Variants in KCTD1 observed in about 807,000 individuals in gnomAD.
KCTD1 encodes BTB/POZ domain-containing protein KCTD1.
In KCTD1, 24 loss-of-function variants were observed where a neutral mutation model predicts 66.0. That is an observed-to-expected ratio of 0.36 (90% CI 0.26 to 0.51). The LOEUF is 0.51. Among genes scored for constraint, KCTD1 ranks in the 20% least tolerant of loss-of-function variants. The pLI is 0.95. For missense variants in KCTD1, 943 were observed against 1,205.2 expected (o/e 0.78, Z 3.22); for synonymous variants, 511 against 517.2 (o/e 0.99, Z 0.16).
chr18:26,502,239 C>T (rs568355455), intron 1 of KCTD1, among the ~76,000 whole-genome samples: 54 of 152,238 alleles, frequency 3.5e-4, no homozygotes, highest in Non-Finnish European at 6.3e-4. Flanking sequence ...TTAGTAGAGA[C>T]GGGGTTTCAC....
At position 26,599,565 on chromosome 18, in the gene KCTD1, C is replaced by A. The variant is rs778757883; in HGVS notation, c.-16+29582G>T. 2.0e-6 allele frequency: 3 copies of A among 1,501,104 alleles called. No homozygotes were observed. In the African/African-American group the frequency reaches 4.1e-5, roughly 21 times the overall value. The allele number at this position is 1,501,104 out of a possible 1,614,324, so 93.0% of individuals were successfully genotyped here. Reference sequence around the variant, plus strand: ...AACATGAACCAGCTGTTGCAGTCTGCCCACAAAGAATCCAGCTTTGACATT... The same window carrying A: ...AACATGAACCAGCTGTTGCAGTCTGACCACAAAGAATCCAGCTTTGACATT... On this transcript the variant is annotated intron_variant, in intron 1 of 4. Coordinates refer to the KCTD1 transcript ENST00000317932.
intron 1 of KCTD1, among the ~76,000 whole-genome samples, chr18:26,650,962 T>C (rs1173155135): frequency 6.6e-6 from 1 of 152,258 alleles, no homozygotes; most frequent in Non-Finnish European, 1.5e-5. Flanking sequence ...GCTGAATTGT[T>C]GTCAGTTCCC....
chr18:26,608,929 G>A (rs978555584), intron 1 of KCTD1, among the ~76,000 whole-genome samples: 2 of 152,178 alleles, frequency 1.3e-5, no homozygotes, highest in African/African-American at 4.8e-5. Context: ...AGATCAGACT[G>A]TAAATACTAA....
intron 2 of KCTD1, among the ~76,000 whole-genome samples, chr18:26,494,369 T>C (rs1233284046): frequency 6.6e-6 from 1 of 152,184 alleles, no homozygotes; most frequent in African/African-American, 2.4e-5. Flanking sequence ...AGACCCTGTC[T>C]CAAAAAACAA....
chr18:26,507,802 C>T (rs932651970), intron 1 of KCTD1, among the ~76,000 whole-genome samples: 1 of 151,900 alleles, frequency 6.6e-6, no homozygotes, highest in Non-Finnish European at 1.5e-5. Flanking sequence ...ATTGTATTTA[C>T]ATGAAGTGAC....
At chr18:26,550,142 C>T (rs1290590651), upstream of KCTD1, among the ~76,000 whole-genome samples, 1 of 152,124 alleles carries the variant, frequency 6.6e-6, no homozygotes, top group Non-Finnish European at 1.5e-5. This position sits in a 1 kb window ranked among gnomAD's most constrained non-coding sequence, Gnocchi z 5.4. Context: ...CGCCCCGGTG[C>T]CAGGCCGTCC....
chr18:26,616,069 G>A (rs1313870131), intron 1 of KCTD1, among the ~76,000 whole-genome samples: 1 of 151,886 alleles, frequency 6.6e-6, no homozygotes, highest in African/African-American at 2.4e-5. Flanking sequence ...GGGATTACAG[G>A]CGTGAGCCAC....
intron 1 of KCTD1, among the ~76,000 whole-genome samples, chr18:26,656,820 G>A (rs1988158261): frequency 6.7e-6 from 1 of 149,676 alleles, no homozygotes; most frequent in Non-Finnish European, 1.5e-5. Flanking sequence ...GGCGCTGGGC[G>A]CTCTCGGCGG....
chr18:26,609,438 G>A (rs1161265592), intron 1 of KCTD1, among the ~76,000 whole-genome samples: 1 of 152,190 alleles, frequency 6.6e-6, no homozygotes, highest in Non-Finnish European at 1.5e-5. Flanking sequence ...TCAGCCCTGG[G>A]AGGTTAATGG....
chr18:26,557,340 G>A (rs1342894746), intron 1 of KCTD1, among the ~76,000 whole-genome samples: 1 of 152,184 alleles, frequency 6.6e-6, no homozygotes, highest in East Asian at 1.9e-4. Context: ...TGTTCCCAGT[G>A]CTGTGATACT....
chr18:26,587,883 A>C (rs1986505659), intron 1 of KCTD1, among the ~76,000 whole-genome samples: 1 of 152,232 alleles, frequency 6.6e-6, no homozygotes, highest in African/African-American at 2.4e-5. Flanking sequence ...ATGAGCAAAT[A>C]AAGTGGTTTC....
At chr18:26,579,245 G>T (rs1353083810) in intron 1 of KCTD1, among the ~76,000 whole-genome samples, 1 of 148,120 alleles carries the variant, frequency 6.8e-6, no homozygotes, top group Non-Finnish European at 1.5e-5. Flanking sequence ...ATTTTATACA[G>T]TGTGAGCTTT....
Position 26,547,754 on chromosome 18 carries a change from C to T in KCTD1, c.783G>A (p.Leu261=), listed in dbSNP as rs1276065837. ...GCTTGCGGATGACCGCGGCCAGCGT[C>T]AGGTTGGCGCTGCGCAGCTCGGGGT... ...TKDPELRSAN[L]TLAAVIRKLE... The change falls in exon 1 of 5, where the codon CTG becomes CTA. Residue 261 remains leucine, a synonymous_variant. Coordinates refer to ENST00000580059, the MANE Select transcript of KCTD1 (RefSeq NM_001142730.3). The T allele has an allele frequency of 1.3e-6, 2 of 1,544,144 alleles. No homozygotes were observed. Among genetic ancestry groups the T allele is most frequent in the South Asian group, 2.4e-5 (2 of 84,034 alleles).
At chr18:26,607,393 A>C (rs1206531676) in intron 1 of KCTD1, among the ~76,000 whole-genome samples, 1 of 152,208 alleles carries the variant, frequency 6.6e-6, no homozygotes, top group Non-Finnish European at 1.5e-5. Flanking sequence ...ACTTGTTCAC[A>C]CAGCCATTTC....
chr18:26,558,641 C>T (rs1330263816), intron 1 of KCTD1, among the ~76,000 whole-genome samples: 3 of 152,234 alleles, frequency 2.0e-5, no homozygotes, highest in South Asian at 2.1e-4. Context: ...AGAATGAGAT[C>T]GGCCAGGTGC....
Position 26,468,558 on chromosome 18 carries a change from G to A in KCTD1, c.2133+7957C>T, listed in dbSNP as rs751966905. On this transcript the variant is annotated intron_variant, in intron 3 of 4. Coordinates refer to ENST00000580059, the MANE Select transcript of KCTD1 (RefSeq NM_001142730.3). The surrounding 1 kb of genome is among the most constrained non-coding windows in gnomAD (Gnocchi z 4.8). ...GCAAAAAACCATGTCCTGGCCGGGC[G>A]CGGTGGCTCACACCTATAATCCCAA... Among the ~76,000 whole-genome samples the A allele has an allele frequency of 5.3e-5, 8 of 152,188 alleles. No individual in the cohort carries two copies. Among genetic ancestry groups the A allele is most frequent in the Admixed American group, 3.3e-4 (5 of 15,280 alleles).
chr18:26,493,264 G>C (rs1429875743), intron 2 of KCTD1, among the ~76,000 whole-genome samples: 2 of 152,174 alleles, frequency 1.3e-5, no homozygotes, highest in African/African-American at 4.8e-5. Context: ...GCAAATGTGC[G>C]ATGTCTGTGG....
intron 1 of KCTD1, among the ~76,000 whole-genome samples, chr18:26,571,495 A>G (rs146865642): frequency 1.1e-4 from 17 of 152,242 alleles, no homozygotes; most frequent in African/African-American, 4.1e-4. Context: ...TTGTATTTGC[A>G]TATCACCTAC....
intron 3 of KCTD1, among the ~76,000 whole-genome samples, chr18:26,472,161 T>A (rs952806784): frequency 5.3e-5 from 8 of 152,014 alleles, no homozygotes; most frequent in African/African-American, 1.7e-4. Flanking sequence ...AGTGAGCTCA[T>A]TTTTGGGCAT....
Sources: allele counts gnomAD v4.1 joint callset (sites outside exome capture counted in the v4.1 genomes callset), GRCh38; gene constraint gnomAD v4.1.1; non-coding constraint Gnocchi (gnomAD v3.1); transcripts MANE v1.5; gene names NCBI Gene and HGNC (gene_info 2026-07-23, HGNC 2026-07-21).